CTIF: variants seen among roughly 807,000 people sequenced by gnomAD.
CTIF encodes cap binding complex dependent translation initiation factor.
A neutral mutation model predicts 66.0 loss-of-function variants in CTIF; 21 were observed. The ratio of observed to expected loss-of-function variants is 0.32; its 90% CI spans 0.23 to 0.46. The LOEUF is 0.46. CTIF is among the 20% of genes least tolerant of loss of function. The pLI is 1.00. For synonymous variants in CTIF, 345 were observed against 326.4 expected, an observed-to-expected ratio of 1.06 and a Z score of -0.62; for missense variants, 739 against 812.7, an observed-to-expected ratio of 0.91 and a Z score of 1.10.
intron 1 of CTIF, 100 bp from the exon 2 acceptor site, chr18:48,619,438 T>A: frequency 2.7e-6 from 2 of 746,614 alleles, no homozygotes; most frequent in Non-Finnish European, 3.9e-6. Flanking sequence ...CCATGATGGA[T>A]AAGAAGATGC....
At chr18:48,859,265 TC>T in intron 11 of CTIF, 78 bp from the exon 12 acceptor site, 2 of 1,234,928 alleles carry the variant, frequency 1.6e-6, no homozygotes, top group Non-Finnish European at 2.4e-6. Context: ...CTATTTCCTA[TC>T]CCTGCCCACC....
At chr18:48,580,984 G>A (rs1260527455) in intron 1 of CTIF, among the ~76,000 whole-genome samples, 1 of 152,242 alleles carries the variant, frequency 6.6e-6, no homozygotes, top group Admixed American at 6.5e-5. Flanking sequence ...GCTTTCCAGA[G>A]ATGAGAGCAT....
intron 8 of CTIF, among the ~76,000 whole-genome samples, chr18:48,759,086 G>A (rs1908702026): frequency 6.6e-6 from 1 of 152,180 alleles, no homozygotes; most frequent in Non-Finnish European, 1.5e-5. Flanking sequence ...GGCCTGGCCT[G>A]TAGCTTCAGG....
intron 1 of CTIF, among the ~76,000 whole-genome samples, chr18:48,604,504 T>A (rs1450672763): frequency 6.6e-6 from 1 of 152,150 alleles, no homozygotes; most frequent in Non-Finnish European, 1.5e-5. Context: ...TGATGTTCTT[T>A]TATTCATTTG....
chr18:48,708,116 T>A (rs2092181589), intron 6 of CTIF, among the ~76,000 whole-genome samples: 1 of 152,230 alleles, frequency 6.6e-6, no homozygotes, highest in Admixed American at 6.5e-5. Flanking sequence ...TATCCAGTCA[T>A]CAGTGGACGG....
At chr18:48,710,099 T>C (rs533419967) in intron 6 of CTIF, among the ~76,000 whole-genome samples, 2 of 152,360 alleles carry the variant, frequency 1.3e-5, no homozygotes, top group South Asian at 2.1e-4. Context: ...CCCCATGAGC[T>C]TGGGGGCTGA....
At chr18:48,782,202 G>T (rs984820210) in intron 9 of CTIF, among the ~76,000 whole-genome samples, 1 of 151,922 alleles carries the variant, frequency 6.6e-6, no homozygotes, top group Non-Finnish European at 1.5e-5. Context: ...CTGGGTGGGG[G>T]TGTTTGGTCA....
intron 1 of CTIF, among the ~76,000 whole-genome samples, chr18:48,606,454 A>G (rs995779257): frequency 2.6e-5 from 4 of 152,320 alleles, no homozygotes; most frequent in African/African-American, 9.6e-5. Context: ...CTGCAGCCGC[A>G]GGGTTATTAA....
intron 1 of CTIF, among the ~76,000 whole-genome samples, chr18:48,585,783 C>T (rs1290287305): frequency 6.6e-6 from 1 of 152,212 alleles, no homozygotes; most frequent in Non-Finnish European, 1.5e-5. Context: ...GTTCCCACCT[C>T]CCAGGGACAG....
At chr18:48,790,840 C>T (rs1027375586) in intron 9 of CTIF, among the ~76,000 whole-genome samples, 5 of 152,208 alleles carry the variant, frequency 3.3e-5, no homozygotes, top group African/African-American at 4.8e-5. Context: ...CTGGGGAACA[C>T]GTCCTCCTGG....
At chr18:48,810,050 G>A (rs1168663171) in intron 9 of CTIF, among the ~76,000 whole-genome samples, 1 of 151,974 alleles carries the variant, frequency 6.6e-6, no homozygotes, top group African/African-American at 2.4e-5. Context: ...TCTGGTAGAA[G>A]TATAATGTGA....
Position 48,573,275 on chromosome 18 carries a change from G to A in CTIF, c.-29+33963G>A, listed in dbSNP as rs557540413. Among the ~76,000 whole-genome samples the A allele has an allele frequency of 2.0e-5, 3 of 152,254 alleles. No homozygotes were observed. The South Asian group carries it at 6.2e-4, about 32-fold the overall frequency. On this transcript the variant is annotated intron_variant, in intron 1 of 11. Transcript: ENST00000256413. ...GGTCAGAGCAGCTTTAAAACACTAC[G>A]TGCAGGGCTTGGAAGGCCAGCAGAG...
intron 3 of CTIF, among the ~76,000 whole-genome samples, chr18:48,645,018 T>C (rs1335518654): frequency 6.6e-6 from 1 of 152,240 alleles, no homozygotes; most frequent in African/African-American, 2.4e-5. Context: ...GCCATCAAAA[T>C]GTCTTGTTGA....
intron 1 of CTIF, among the ~76,000 whole-genome samples, chr18:48,598,164 C>T (rs989691723): frequency 2.6e-5 from 4 of 152,158 alleles, no homozygotes; most frequent in East Asian, 1.9e-4. Flanking sequence ...GGGGAGTTGG[C>T]GGAGGCTCTG....
intron 3 of CTIF, among the ~76,000 whole-genome samples, chr18:48,661,403 T>TTA (rs1555666753): frequency 4.0e-5 from 6 of 151,752 alleles, no homozygotes; most frequent in Non-Finnish European, 7.4e-5. Flanking sequence ...GATTTTTTTT[T>TTA]ATCTTTGCTT....
intron 2 of CTIF, chr18:48,625,344 A>G (rs765685501): frequency 1.7e-5 from 5 of 292,072 alleles, no homozygotes; most frequent in Non-Finnish European, 2.5e-5. Flanking sequence ...TTATGCATAC[A>G]TTCCCATAGT....
chr18:48,772,422 C>A (rs951592925), intron 9 of CTIF, among the ~76,000 whole-genome samples: 1 of 144,540 alleles, frequency 6.9e-6, no homozygotes, highest in Admixed American at 6.9e-5. Flanking sequence ...CATCCCCCGG[C>A]ACCCCACCAA....
chr18:48,596,477 C>CTTTT lies in CTIF; in HGVS notation c.-28-23051_-28-23048dup, dbSNP rs112975997. Among the ~76,000 whole-genome samples the CTTTT allele has an allele frequency of 5.9e-4, 85 of 145,112 alleles. 1 individual carries two copies. Among genetic ancestry groups the CTTTT allele is most frequent in the Admixed American group, 1.2e-3 (18 of 14,518 alleles). Reference sequence around the variant, plus strand: ...CCTTTTCCTTTTCTTTTCTTTCTTTCTTTTTTTTTTTTTCTTTTTGGGAGA... The same window carrying CTTTT: ...CCTTTTCCTTTTCTTTTCTTTCTTTCTTTTTTTTTTTTTTTTTCTTTTTGGGAGA... On this transcript the variant is annotated intron_variant, in intron 1 of 11. Coordinates refer to ENST00000256413, the MANE Select transcript of CTIF (RefSeq NM_014772.3).
At chr18:48,616,316 G>A (rs548082802) in intron 1 of CTIF, among the ~76,000 whole-genome samples, 2 of 152,356 alleles carry the variant, frequency 1.3e-5, no homozygotes, top group East Asian at 1.9e-4. Flanking sequence ...GCGGAGGCCA[G>A]CTTCCCGGGG....
Sources: gnomAD v4.1 joint callset for allele counts (sites outside exome capture counted in the v4.1 genomes callset) on GRCh38, gnomAD v4.1.1 for gene constraint, MANE v1.5 for transcripts, NCBI Gene and HGNC (gene_info 2026-07-23, HGNC 2026-07-21) for gene names.